Variants in PGS1 observed in about 807,000 individuals in gnomAD.
PGS1 encodes the protein phosphatidylglycerophosphate synthase 1.
In PGS1, 44 loss-of-function variants were observed where a neutral mutation model predicts 58.3. That is an observed-to-expected ratio of 0.75 (90% CI 0.59 to 0.97). The LOEUF is 0.97. PGS1 is among the 50% of genes least tolerant of loss of function. The pLI is 0.00. For missense variants in PGS1, 684 were observed against 731.1 expected, an observed-to-expected ratio of 0.94 and a Z score of 0.74; for synonymous variants, 330 against 311.0, an observed-to-expected ratio of 1.06 and a Z score of -0.64.
At chr17:78,412,955 G>T (rs1449096493) in intron 7 of PGS1, among the ~76,000 whole-genome samples, 1 of 152,178 alleles carries the variant, frequency 6.6e-6, no homozygotes, top group Non-Finnish European at 1.5e-5. Flanking sequence ...AGAGGGGGTG[G>T]GAGGGGGGCT....
intron 1 of PGS1, among the ~76,000 whole-genome samples, chr17:78,381,455 G>C (rs2082031832): frequency 6.6e-6 from 1 of 152,108 alleles, no homozygotes; most frequent in Admixed American, 6.6e-5. Flanking sequence ...GCCTTATTCG[G>C]TTTGCAGTTC....
Position 78,399,346 on chromosome 17 carries a change from A to C in PGS1, c.512-2A>C, listed in dbSNP as rs1168842942. On this transcript the variant is annotated splice_acceptor_variant, in intron 4 of 9. Coordinates refer to ENST00000262764, the MANE Select transcript of PGS1 (RefSeq NM_024419.5). LOFTEE classifies it high-confidence loss of function. ...GGTGCCGTTTTCTCTGTCCGTGTTCAGGCCGGAAGAACTCCCGCACAATGC... is the reference window on the plus strand; with the variant it reads ...GGTGCCGTTTTCTCTGTCCGTGTTCCGGCCGGAAGAACTCCCGCACAATGC... 8.7e-6 allele frequency: 14 copies of C among 1,613,032 alleles called. No individual in the cohort carries two copies. The highest frequency in any genetic ancestry group is 1.3e-5 in the African/African-American group (1 of 74,902).
At chr17:78,398,181 C>A in intron 3 of PGS1, 71 bp from the exon 4 acceptor site, 1 of 1,108,524 alleles carries the variant, frequency 9.0e-7, no homozygotes, top group Non-Finnish European at 1.4e-6. Flanking sequence ...GCCGATGGGG[C>A]GATTTGTTTT....
At chr17:78,383,135 C>T (rs976618371) in intron 1 of PGS1, among the ~76,000 whole-genome samples, 2 of 152,076 alleles carry the variant, frequency 1.3e-5, no homozygotes, top group East Asian at 3.8e-4. Context: ...GAAACTTTTT[C>T]ACAATTTGAG....
At chr17:78,411,526 C>G (rs892743268) in intron 7 of PGS1, among the ~76,000 whole-genome samples, 1 of 152,202 alleles carries the variant, frequency 6.6e-6, no homozygotes, top group Admixed American at 6.5e-5. Flanking sequence ...TCTCTGGCAC[C>G]CAGGGCTGCA....
rs1021268419 is a variant in PGS1, at chr17:78,390,320, G to T, written c.144-2156G>T. On this transcript the variant is annotated intron_variant, in intron 1 of 9. Transcript: ENST00000262764. ...GAGTGTCATCACCCCCTCTAGAGAC[G>T]GGGGTGGGGGAGGAACAGCTGTTTC... Among the ~76,000 whole-genome samples, 98 of 87,516 alleles carry T rather than the reference G, an allele frequency of 1.1e-3. 2 individuals are homozygous for T. The highest frequency in any genetic ancestry group is 4.2e-3 in the African/African-American group (94 of 22,134). The allele number at this position is 87,516 out of a possible 152,430, so 57.4% of individuals were successfully genotyped here. A position where few individuals can be genotyped will look rare whatever the true frequency, so the allele number is the denominator to read the frequency against.
At chr17:78,401,204 GGGGGTGACAAACTCAGGTCA>G (rs2083631482) in intron 6 of PGS1, among the ~76,000 whole-genome samples, 1 of 152,108 alleles carries the variant, frequency 6.6e-6, no homozygotes, top group African/African-American at 2.4e-5. Context: ...GAACTAGCAG[GGGGGTGACAAACTCAGGTCA>G]GGACGCAGTT....
At chr17:78,390,905 G>A (rs1271747670) in intron 1 of PGS1, among the ~76,000 whole-genome samples, 1 of 152,130 alleles carries the variant, frequency 6.6e-6, no homozygotes, top group Non-Finnish European at 1.5e-5. Context: ...CAAACAGGAT[G>A]TGTCTGATGG....
chr17:78,386,972 ATGATGATGG>A (rs796305031), intron 1 of PGS1, among the ~76,000 whole-genome samples: 30 of 122,408 alleles, frequency 2.5e-4, no homozygotes, highest in African/African-American at 4.5e-4. Context: ...GATGATGATG[ATGATGATGG>A]TGATGATGGT....
intron 4 of PGS1, among the ~76,000 whole-genome samples, chr17:78,398,910 T>G (rs957986815): frequency 6.6e-6 from 1 of 152,228 alleles, no homozygotes; most frequent in African/African-American, 2.4e-5. Context: ...AGCTCCTGAC[T>G]GGCCTGACGG....
intron 2 of PGS1, among the ~76,000 whole-genome samples, chr17:78,393,429 A>G (rs1417616279): frequency 6.6e-6 from 1 of 151,994 alleles, no homozygotes; most frequent in Non-Finnish European, 1.5e-5. Context: ...ACGGGAAGGG[A>G]GGTTGGTGAG....
chr17:78,420,059 A>T lies in PGS1; in HGVS notation c.*10+384A>T, dbSNP rs920659377. The T allele has an allele frequency of 2.8e-6, 3 of 1,071,980 alleles. No homozygotes were observed. The South Asian group carries it at 8.2e-5, about 29-fold the overall frequency. The allele number at this position is 1,071,980 out of a possible 1,614,324, so 66.4% of individuals were successfully genotyped here. On this transcript the variant is annotated intron_variant, in intron 9 of 9. Transcript: ENST00000262764. ...CAAGCTGAGCACACTGGTGCAGGAG[A>T]TGTAGACGTGGGAGGAGGGGAGCAC...
chr17:78,415,059 G>A (rs746454470), intron 8 of PGS1, 32 bp downstream of exon 8: 15 of 1,571,630 alleles, frequency 9.5e-6, no homozygotes, highest in East Asian at 7.1e-5. Context: ...TTCCCAGGGC[G>A]CTGAGGGTGT....
intron 8 of PGS1, among the ~76,000 whole-genome samples, chr17:78,416,571 G>C (rs2085207862): frequency 6.6e-6 from 1 of 152,320 alleles, no homozygotes; most frequent in African/African-American, 2.4e-5. Flanking sequence ...CCCACATCCT[G>C]GATCTTGAGA....
intron 7 of PGS1, among the ~76,000 whole-genome samples, chr17:78,404,935 CAGGT>C (rs1023580756): frequency 4.6e-5 from 7 of 152,162 alleles, no homozygotes; most frequent in African/African-American, 1.7e-4. Flanking sequence ...GCTGGGATTA[CAGGT>C]GTGAGCCACC....
intron 8 of PGS1, 98 bp downstream of exon 8, chr17:78,415,125 A>G (rs2085067131): frequency 4.3e-6 from 6 of 1,382,892 alleles, no homozygotes; most frequent in Non-Finnish European, 6.0e-6. Context: ...CTGTTTCCTG[A>G]GGCAACGAGT....
chr17:78,419,484 C>G, intron 8 of PGS1, 62 bp from the exon 9 acceptor site: 1 of 1,454,620 alleles, frequency 6.9e-7, no homozygotes, highest in Non-Finnish European at 9.6e-7. Context: ...TGGGGCCAGC[C>G]GGCCATGTGG....
intron 8 of PGS1, among the ~76,000 whole-genome samples, chr17:78,418,526 T>A (rs2085404470): frequency 6.6e-6 from 1 of 152,104 alleles, no homozygotes; most frequent in South Asian, 2.1e-4. Context: ...TGGTTTGTCA[T>A]ATGAGTTGTT....
At chr17:78,412,716 C>G (rs964859681) in intron 7 of PGS1, among the ~76,000 whole-genome samples, 7 of 152,220 alleles carry the variant, frequency 4.6e-5, no homozygotes, top group African/African-American at 1.7e-4. Context: ...CCCTCGTCAC[C>G]CATGTGGGCG....
Sources: gnomAD v4.1 joint callset for allele counts (sites outside exome capture counted in the v4.1 genomes callset) on GRCh38, gnomAD v4.1.1 for gene constraint, MANE v1.5 for transcripts, NCBI Gene and HGNC (gene_info 2026-07-23, HGNC 2026-07-21) for gene names.